Variants in GALNT15 observed in about 807,000 individuals in gnomAD.
GALNT15 encodes UDP-GalNAc transferase T15.
GALNT15 carries 67 observed loss-of-function variants against 66.8 expected under a neutral mutation model. That is an observed-to-expected ratio of 1.00 (90% CI 0.82 to 1.23). The LOEUF is 1.23. Ranked by LOEUF, GALNT15 falls within the 50% of genes most tolerant of loss-of-function variation. The pLI is 0.00. For missense variants in GALNT15, 827 were observed against 804.3 expected (o/e 1.03, Z -0.34); for synonymous variants, 313 against 311.5 (o/e 1.00, Z -0.05).
chr3:16,234,628 A>T (rs1249331439), downstream of GALNT15, among the ~76,000 whole-genome samples: 1 of 152,202 alleles, frequency 6.6e-6, no homozygotes, highest in Non-Finnish European at 1.5e-5. Context: ...TCCTGGGCTC[A>T]TCTTCCAAGT....
chr3:16,184,718 G>T lies in GALNT15; in HGVS notation c.539+9028G>T, dbSNP rs1472647052. Among the ~76,000 whole-genome samples, 1 of 152,228 alleles carries T rather than the reference G, an allele frequency of 6.6e-6. No homozygotes were observed. The highest frequency in any genetic ancestry group is 2.4e-5 in the African/African-American group (1 of 41,452). ...CGGTTATCCCAAGAAGCACGGGTAG[G>T]GGCTCAGGAAAGCGGAGCAGAGATG... On this transcript the variant is annotated intron_variant, in intron 1 of 9. Transcript: ENST00000339732. The surrounding 1 kb of genome is among the most constrained non-coding windows in gnomAD (Gnocchi z 5.0).
chr3:16,178,118 T>C (rs1341420941), intron 1 of GALNT15, among the ~76,000 whole-genome samples: 3 of 152,166 alleles, frequency 2.0e-5, no homozygotes, highest in Non-Finnish European at 4.4e-5. Flanking sequence ...ATTCTTTGTG[T>C]GTTGCATGTA....
At chr3:16,210,127 A>G (rs2124884653) in intron 4 of GALNT15, among the ~76,000 whole-genome samples, 1 of 152,324 alleles carries the variant, frequency 6.6e-6, no homozygotes, top group African/African-American at 2.4e-5. Flanking sequence ...AGCGTTTAAA[A>G]TGTGGCATGC....
chr3:16,232,358 G>A (rs1272420480), downstream of GALNT15, among the ~76,000 whole-genome samples: 1 of 150,742 alleles, frequency 6.6e-6, no homozygotes, highest in Non-Finnish European at 1.5e-5. Context: ...TTGAGCCCAG[G>A]AGTTTGAGAT....
At chr3:16,206,318 G>C (rs928654059) in intron 3 of GALNT15, among the ~76,000 whole-genome samples, 1 of 151,750 alleles carries the variant, frequency 6.6e-6, no homozygotes, top group Non-Finnish European at 1.5e-5. Context: ...GGAAGTGGAG[G>C]TTGCAGTGAG....
chr3:16,190,049 G>A lies in GALNT15; in HGVS notation c.540-5711G>A, dbSNP rs563746142. Among the ~76,000 whole-genome samples, 3 of 152,198 alleles carry A rather than the reference G, an allele frequency of 2.0e-5. No individual in the cohort carries two copies. In the South Asian group the frequency reaches 6.2e-4, roughly 31 times the overall value. Reference sequence around the variant, plus strand: ...GCTGAACTAACACATTTTTGAGCAAGTTTATCAAGGTGAATGGAATTGCAG... The same window carrying A: ...GCTGAACTAACACATTTTTGAGCAAATTTATCAAGGTGAATGGAATTGCAG... On this transcript the variant is annotated intron_variant, in intron 1 of 9. Coordinates refer to ENST00000339732, the MANE Select transcript of GALNT15 (RefSeq NM_054110.5).
downstream of GALNT15, among the ~76,000 whole-genome samples, chr3:16,232,416 A>G (rs75425343): frequency 0.03 from 4,333 of 144,926 alleles, 249 homozygotes; most frequent in African/African-American, 0.1. Flanking sequence ...AAACAAAACC[A>G]AAACAAAAAT....
intron 4 of GALNT15, among the ~76,000 whole-genome samples, 177 bp downstream of exon 4, chr3:16,208,847 T>C (rs886721962): frequency 1.3e-5 from 2 of 152,226 alleles, no homozygotes; most frequent in African/African-American, 2.4e-5. Flanking sequence ...AGGGTTACCC[T>C]ATAAGGGTTG....
rs1574987943 is a variant in GALNT15 at position 16,209,817 on chromosome 3, G to T, written c.1079+1147G>T. Among the ~76,000 whole-genome samples the T allele has an allele frequency of 1.3e-5, 2 of 152,306 alleles. No individual in the cohort carries two copies. Among genetic ancestry groups the T allele is most frequent in the East Asian group, 3.9e-4 (2 of 5,188 alleles). ...AGCCTGGGTGACAGAGCAAGATTCTGTCTCAAAAACAAAAAACAAAAACAA... is the reference window on the plus strand; with the variant it reads ...AGCCTGGGTGACAGAGCAAGATTCTTTCTCAAAAACAAAAAACAAAAACAA... On this transcript the variant is annotated intron_variant, in intron 4 of 9. Coordinates refer to ENST00000339732, the MANE Select transcript of GALNT15 (RefSeq NM_054110.5). This position sits in a 1 kb window ranked among gnomAD's most constrained non-coding sequence, Gnocchi z 4.1.
chr3:16,175,732 T>C lies in GALNT15; in HGVS notation c.539+42T>C, dbSNP rs767263142. On this transcript the variant is annotated intron_variant, in intron 1 of 9. Coordinates refer to ENST00000339732, the MANE Select transcript of GALNT15 (RefSeq NM_054110.5). The surrounding 1 kb of genome is among the most constrained non-coding windows in gnomAD (Gnocchi z 5.6). ...TTTTCCCTTCCCTGATCCCAGGGCA[T>C]GATCGGGTGGTAGCAAACTCGGGAA... 2.7e-6 allele frequency: 4 copies of C among 1,497,550 alleles called. No homozygotes were observed. In the East Asian group the frequency reaches 9.1e-5, roughly 34 times the overall value. 92.8% of individuals were successfully genotyped at this position (1,497,550 alleles called of 1,614,324 possible).
chr3:16,191,270 C>T lies in GALNT15; in HGVS notation c.540-4490C>T. 2 of 950,666 alleles carry T rather than the reference C, an allele frequency of 2.1e-6. No homozygotes were observed. Among genetic ancestry groups the T allele is most frequent in the Non-Finnish European group, 2.5e-6 (2 of 798,294 alleles). 58.9% of individuals were successfully genotyped at this position (950,666 alleles called of 1,614,324 possible). On this transcript the variant is annotated intron_variant, in intron 1 of 9. Coordinates refer to ENST00000339732, the MANE Select transcript of GALNT15 (RefSeq NM_054110.5). The surrounding 1 kb of genome is among the most constrained non-coding windows in gnomAD (Gnocchi z 5.2). ...CTTCCTCCTGCTGCGGGAAGGAGCC[C>T]CCAAAGAATCAAGAACACACACTTT... is the stretch of plus-strand genomic sequence containing the variant.
Position 16,203,578 on chromosome 3 carries a change from CACACACACACAG to C in GALNT15, c.911+2756_911+2767del, listed in dbSNP as rs796277374. Among the ~76,000 whole-genome samples the C allele has an allele frequency of 3.1e-3, 461 of 149,624 alleles. 3 individuals are homozygous for C. Among genetic ancestry groups the C allele is most frequent in the Admixed American group, 0.011 (162 of 14,986 alleles). ...ACACACACACACACACACACACACA[CACACACACACAG>C]TGGGCCTCTGATCCTGGTGTGTTAC... On this transcript the variant is annotated intron_variant, in intron 3 of 9. Transcript: ENST00000339732. This position sits in a 1 kb window ranked among gnomAD's most constrained non-coding sequence, Gnocchi z 6.2.
At chr3:16,206,368 T>G (rs1476694361) in intron 3 of GALNT15, among the ~76,000 whole-genome samples, 3 of 138,888 alleles carry the variant, frequency 2.2e-5, no homozygotes, top group African/African-American at 5.5e-5. Context: ...GGCGACAGAG[T>G]GAGACCATTT....
Position 16,206,395 on chromosome 3 carries a change from C to T in GALNT15, c.912-2108C>T, listed in dbSNP as rs1007318542. Among the ~76,000 whole-genome samples, 5 of 151,080 alleles carry T rather than the reference C, an allele frequency of 3.3e-5. No individual in the cohort carries two copies. The South Asian group carries it at 8.4e-4, about 25-fold the overall frequency. ...AGACCATTTAAAAAAAAAAAAAGGC[C>T]GGGCGCGATGGTTCACGCCTGTAAT... On this transcript the variant is annotated intron_variant, in intron 3 of 9. Coordinates refer to ENST00000339732, the MANE Select transcript of GALNT15 (RefSeq NM_054110.5).
downstream of GALNT15, among the ~76,000 whole-genome samples, chr3:16,232,496 ATATATATATATATATTTATTT>A (rs2064094100): frequency 9.2e-5 from 8 of 86,752 alleles, 2 homozygotes; most frequent in African/African-American, 3.1e-4. Context: ...ATATATATAT[ATATATATATATATATTTATTT>A]AAAAGAGACA....
chr3:16,204,226 T>C lies in GALNT15; in HGVS notation c.911+3403T>C, dbSNP rs750420286. Among the ~76,000 whole-genome samples the C allele has an allele frequency of 6.6e-6, 1 of 152,168 alleles. No individual in the cohort carries two copies. The highest frequency in any genetic ancestry group is 1.5e-5 in the Non-Finnish European group (1 of 68,020). ...GTTCCCACTAGCCATGTGGCAACTT[T>C]ATTTGAATTGGTAGAAATCCCTTCC... On this transcript the variant is annotated intron_variant, in intron 3 of 9. Transcript: ENST00000339732. This position sits in a 1 kb window ranked among gnomAD's most constrained non-coding sequence, Gnocchi z 4.5.
chr3:16,239,130 A>C, the GALNT15 span, among the ~76,000 whole-genome samples: 1 of 152,172 alleles, frequency 6.6e-6, no homozygotes, highest in African/African-American at 2.4e-5. The surrounding 1 kb of genome is among the most constrained non-coding windows in gnomAD (Gnocchi z 5.2). Context: ...AGTTCTCCTC[A>C]TTAATAATGT....
At position 16,184,835 on chromosome 3, in the gene GALNT15, G is replaced by A. The variant is rs1272851876; in HGVS notation, c.539+9145G>A. Among the ~76,000 whole-genome samples the A allele has an allele frequency of 6.6e-6, 1 of 152,152 alleles. No homozygotes were observed. The highest frequency in any genetic ancestry group is 2.4e-5 in the African/African-American group (1 of 41,442). On this transcript the variant is annotated intron_variant, in intron 1 of 9. Coordinates refer to ENST00000339732, the MANE Select transcript of GALNT15 (RefSeq NM_054110.5). This position sits in a 1 kb window ranked among gnomAD's most constrained non-coding sequence, Gnocchi z 5.0. Reference sequence around the variant, plus strand: ...GTGTAGAACATGCATGCATCTCAGCGCTTCCTACCCTCTGCCCTTAGGGGT... The same window carrying A: ...GTGTAGAACATGCATGCATCTCAGCACTTCCTACCCTCTGCCCTTAGGGGT...
chr3:16,237,387 G>A, the GALNT15 span, among the ~76,000 whole-genome samples: 2 of 152,322 alleles, frequency 1.3e-5, no homozygotes, highest in East Asian at 3.9e-4. The surrounding 1 kb of genome is among the most constrained non-coding windows in gnomAD (Gnocchi z 4.2). Context: ...CCCTTCACAT[G>A]TCAGTATTGG....
Sources: allele counts gnomAD v4.1 joint callset (sites outside exome capture counted in the v4.1 genomes callset), GRCh38; gene constraint gnomAD v4.1.1; non-coding constraint Gnocchi (gnomAD v3.1); transcripts MANE v1.5; gene names NCBI Gene and HGNC (gene_info 2026-07-23, HGNC 2026-07-21).